Variants in VWA5B1 observed in about 807,000 individuals in gnomAD.
The protein encoded by VWA5B1 is von Willebrand factor A domain-containing protein 5B1.
In VWA5B1, 115 loss-of-function variants were observed where a neutral mutation model predicts 118.2. That is an observed-to-expected ratio of 0.97 (90% CI 0.84 to 1.14). VWA5B1 has a LOEUF of 1.14. Among genes scored for constraint, VWA5B1 ranks in the 50% most tolerant of loss-of-function variants. The pLI is 0.00. For missense variants in VWA5B1, 1,596 were observed against 1,603.8 expected (o/e 1.00, Z 0.08); for synonymous variants, 682 against 658.4 (o/e 1.04, Z -0.55).
chr1:20,295,530 G>C (rs1168219550), intron 1 of VWA5B1, among the ~76,000 whole-genome samples: 5 of 152,158 alleles, frequency 3.3e-5, no homozygotes, highest in Non-Finnish European at 7.4e-5. Context: ...CGTGCCTTGT[G>C]AATCTTCCTA....
intron 1 of VWA5B1, among the ~76,000 whole-genome samples, chr1:20,300,356 T>C (rs2088482135): frequency 6.6e-6 from 1 of 152,166 alleles, no homozygotes; most frequent in Non-Finnish European, 1.5e-5. Flanking sequence ...CCCTGGACTG[T>C]CAATCTGAAG....
At chr1:20,344,546 G>T (rs944401920) in intron 16 of VWA5B1, among the ~76,000 whole-genome samples, 1 of 152,124 alleles carries the variant, frequency 6.6e-6, no homozygotes, top group Non-Finnish European at 1.5e-5. Flanking sequence ...TGTCCTAAGT[G>T]CTATTAAGAA....
chr1:20,305,449 A>G (rs889383281), intron 1 of VWA5B1, among the ~76,000 whole-genome samples: 1 of 152,120 alleles, frequency 6.6e-6, no homozygotes. Context: ...CTAAAGGAGT[A>G]TGATTGAGAC....
intron 8 of VWA5B1, 133 bp from the exon 9 acceptor site, chr1:20,327,757 C>A: frequency 1.3e-6 from 1 of 762,936 alleles, no homozygotes; most frequent in Non-Finnish European, 2.2e-6. Flanking sequence ...AAAGGAGTTG[C>A]TGGGTGCAGA....
chr1:20,328,309 C>A (rs996394099), intron 9 of VWA5B1, among the ~76,000 whole-genome samples: 1 of 152,118 alleles, frequency 6.6e-6, no homozygotes, highest in African/African-American at 2.4e-5. Context: ...CCAGGCCTGC[C>A]ACTCACTGAA....
chr1:20,293,200 C>G (rs939175481), intron 1 of VWA5B1, among the ~76,000 whole-genome samples: 9 of 152,212 alleles, frequency 5.9e-5, no homozygotes, highest in African/African-American at 2.2e-4. Context: ...ACCTGGCAGC[C>G]CCTGGGCCCA....
chr1:20,298,077 C>T (rs1009620657), intron 1 of VWA5B1, among the ~76,000 whole-genome samples: 1 of 144,046 alleles, frequency 6.9e-6, no homozygotes, highest in Non-Finnish European at 1.5e-5. Context: ...GTGGTATGAT[C>T]ATATCTCACT....
rs781602375 is a variant in VWA5B1, at chr1:20,343,060, C to T, written c.2312-19C>T. The T allele has an allele frequency of 6.7e-7, 1 of 1,495,442 alleles. No homozygotes were observed. The highest frequency in any genetic ancestry group is 1.4e-5 in the African/African-American group (1 of 71,710). 92.6% of individuals were successfully genotyped at this position (1,495,442 alleles called of 1,614,324 possible). A position where few individuals can be genotyped will look rare whatever the true frequency, so the allele number is the denominator to read the frequency against. ...GTCCCCCAGGTCAGCGCTTGGCCCA[C>T]TTGTCCCTCTGCCCGCAGAGCCGTC... On this transcript the variant is annotated intron_variant, in intron 15 of 21. Coordinates refer to ENST00000289815, the MANE Select transcript of VWA5B1 (RefSeq NM_001039500.3).
chr1:20,305,453 T>C (rs2088622560), intron 1 of VWA5B1, among the ~76,000 whole-genome samples: 1 of 151,908 alleles, frequency 6.6e-6, no homozygotes, highest in Non-Finnish European at 1.5e-5. Context: ...AGGAGTATGA[T>C]TGAGACCTTA....
chr1:20,319,171 G>A (rs896248536), intron 6 of VWA5B1, among the ~76,000 whole-genome samples: 1 of 152,122 alleles, frequency 6.6e-6, no homozygotes, highest in Non-Finnish European at 1.5e-5. Context: ...GCCCAGAGAG[G>A]GGCAGTGAGT....
intron 8 of VWA5B1, among the ~76,000 whole-genome samples, chr1:20,327,019 T>C (rs1279871050): frequency 6.6e-6 from 1 of 152,152 alleles, no homozygotes; most frequent in Non-Finnish European, 1.5e-5. Flanking sequence ...GTCACCATCA[T>C]GATCATCATG....
At chr1:20,344,538 T>C (rs1570215837) in intron 16 of VWA5B1, among the ~76,000 whole-genome samples, 1 of 152,242 alleles carries the variant, frequency 6.6e-6, no homozygotes. Context: ...AGTGCATTTG[T>C]CCTAAGTGCT....
rs946934271 is a variant in VWA5B1, at chr1:20,359,390, A to G, written c.*5127A>G. 1.3e-5 allele frequency among the ~76,000 whole-genome samples: 2 copies of G among 152,110 alleles called. No homozygotes were observed. Among genetic ancestry groups the G allele is most frequent in the African/African-American group, 2.4e-5 (1 of 41,410 alleles). On this transcript the variant is annotated 3_prime_UTR_variant, in exon 22 of 22. Coordinates refer to ENST00000289815, the MANE Select transcript of VWA5B1 (RefSeq NM_001039500.3). ...TGGAAGCCCTGGATGTCAGCCGTCT[A>G]ATGTCCACTAATACTCAGCAAATCC... is the stretch of plus-strand genomic sequence containing the variant.
At chr1:20,332,551 C>CAAAATAAAATAAAA (rs2089599011) in intron 11 of VWA5B1, among the ~76,000 whole-genome samples, 1 of 106,696 alleles carries the variant, frequency 9.4e-6, no homozygotes, top group Non-Finnish European at 2.3e-5. Flanking sequence ...AAATAAAATG[C>CAAAATAAAATAAAA]TAAGCTTAGA....
intron 6 of VWA5B1, 32 bp downstream of exon 6, chr1:20,318,753 C>A (rs1464014914): frequency 2.7e-5 from 39 of 1,446,800 alleles, no homozygotes; most frequent in Non-Finnish European, 3.5e-5. Context: ...CCCTGGGCTG[C>A]CTGTGGGAGG....
Position 20,354,286 on chromosome 1 carries a change from G to A in VWA5B1, c.*23G>A. 1 of 1,504,882 alleles carries A rather than the reference G, an allele frequency of 6.6e-7. No individual in the cohort carries two copies. Among genetic ancestry groups the A allele is most frequent in the Non-Finnish European group, 9.0e-7 (1 of 1,116,848 alleles). The allele number at this position is 1,504,882 out of a possible 1,614,324, so 93.2% of individuals were successfully genotyped here. A position where few individuals can be genotyped will look rare whatever the true frequency, so the allele number is the denominator to read the frequency against. On this transcript the variant is annotated 3_prime_UTR_variant, in exon 22 of 22. Coordinates refer to ENST00000289815, the MANE Select transcript of VWA5B1 (RefSeq NM_001039500.3). ...TAGTTGAGTGACGGGGAGGCTGGGT[G>A]GAGGGAAGGGTGGGGAGGAGAGGGA...
In VWA5B1 at chr1:20,314,570, A is replaced by C; in HGVS notation, c.541A>C (p.Thr181Pro). 1 of 1,551,154 alleles carries C rather than the reference A, an allele frequency of 6.4e-7. No homozygotes were observed. The highest frequency in any genetic ancestry group is 8.7e-7 in the Non-Finnish European group (1 of 1,146,908). Residue 181 changes from threonine (T) to proline (P), a missense_variant, in exon 4 of 22, where the codon ACC (threonine) becomes CCC (proline). By Grantham distance (38) the Thr-to-Pro change is conservative (BLOSUM62 -1). Coordinates refer to ENST00000289815, the MANE Select transcript of VWA5B1 (RefSeq NM_001039500.3). Reference protein sequence around the residue: ...VPQFCTKSTGTSNQQAQGKDR... With the variant: ...VPQFCTKSTGPSNQQAQGKDR... The stretch of plus-strand genomic sequence containing the variant: ...CCAGTTCTGCACCAAGAGCACTGGC[A>C]CCTCCAACCAACAGGCCCAGGGGTA...
intron 1 of VWA5B1, among the ~76,000 whole-genome samples, chr1:20,294,557 G>A (rs980469259): frequency 3.5e-4 from 53 of 152,258 alleles, no homozygotes; most frequent in Middle Eastern, 3.4e-3. Flanking sequence ...TCGGCTCACC[G>A]CAACCTCCGC....
chr1:20,337,670 G>C lies in VWA5B1; in HGVS notation c.1967G>C (p.Arg656Thr). The change falls in exon 14 of 22, where the codon AGG (arginine) becomes ACG (threonine). Residue 656 changes from arginine to threonine, a missense_variant. By Grantham distance (71) the Arg-to-Thr change is moderately conservative. Transcript: ENST00000289815. ...GATCTGAACCTCTCTCAGCGACGGA[G>C]GGCATACAGCACCAACCAGATCACC... ...KHDLNLSQRR[R>T]AYSTNQITNH... is the part of the protein sequence containing the mutation. 1 of 1,551,604 alleles carries C rather than the reference G, an allele frequency of 6.4e-7. No individual in the cohort carries two copies. Among genetic ancestry groups the C allele is most frequent in the East Asian group, 2.4e-5 (1 of 40,912 alleles).
Sources: allele counts gnomAD v4.1 joint callset (sites outside exome capture counted in the v4.1 genomes callset), GRCh38; gene constraint gnomAD v4.1.1; transcripts MANE v1.5; gene names NCBI Gene and HGNC (gene_info 2026-07-23, HGNC 2026-07-21).